COL14A1: variants seen among roughly 807,000 people sequenced by gnomAD.
COL14A1 encodes collagen type XIV alpha 1 chain.
Under a neutral mutation model 230.3 loss-of-function variants are expected in COL14A1, and 136 were observed. That is an observed-to-expected ratio of 0.59 (90% CI 0.51 to 0.68). The LOEUF (loss-of-function observed/expected upper bound fraction) is 0.68, where lower values mean the gene tolerates loss of function less well. Ranked by LOEUF, COL14A1 falls within the 30% of genes least tolerant of loss-of-function variation. The pLI, the probability that COL14A1 is intolerant of heterozygous loss-of-function variation, is 0.00. For missense variants in COL14A1, 1,976 were observed against 2,215.8 expected (o/e 0.89, Z 2.17); for synonymous variants, 792 against 784.1 (o/e 1.01, Z -0.17).
intron 45 of COL14A1, among the ~76,000 whole-genome samples, chr8:120,366,317 A>G (rs1021080784): frequency 6.6e-6 from 1 of 152,246 alleles, no homozygotes; most frequent in African/African-American, 2.4e-5. Context: ...TTGCCAATTC[A>G]ACATAATTTC....
At chr8:120,330,098 CA>C (rs1291664168) in intron 40 of COL14A1, among the ~76,000 whole-genome samples, 3 of 152,138 alleles carry the variant, frequency 2.0e-5, no homozygotes, top group Admixed American at 1.3e-4. Context: ...TGAAACTAGC[CA>C]CTTTTCATTG....
At chr8:120,335,197 C>T (rs1822011894) in intron 42 of COL14A1, among the ~76,000 whole-genome samples, 1 of 152,152 alleles carries the variant, frequency 6.6e-6, no homozygotes, top group African/African-American at 2.4e-5. Context: ...ACTATGATAG[C>T]ACCCTGCTCA....
intron 45 of COL14A1, among the ~76,000 whole-genome samples, chr8:120,354,857 G>T (rs1822921051): frequency 6.6e-6 from 1 of 152,142 alleles, no homozygotes; most frequent in South Asian, 2.1e-4. Flanking sequence ...ATATTAAGCA[G>T]CCCGATTTCT....
Position 120,280,012 on chromosome 8 carries a change from C to G in COL14A1, c.3559C>G (p.Arg1187Gly). Residue 1187 changes from arginine (R) to glycine (G), a missense_variant, in exon 29 of 48, where the codon CGC (arginine) becomes GGC (glycine). By Grantham distance (125) the Arg-to-Gly change is moderately radical. Transcript: ENST00000297848. ...LVSIGSKPSA[R>G]HVFFVDDFDA... ...TAGCATTGGCAGTAAGCCCAGCGCA[C>G]GCCATGTCTTCTTTGTGGATGACTT... The G allele has an allele frequency of 6.2e-7, 1 of 1,613,844 alleles. No individual in the cohort carries two copies. The highest frequency in any genetic ancestry group is 8.5e-7 in the Non-Finnish European group (1 of 1,179,846).
chr8:120,309,174 A>G (rs971081020), intron 36 of COL14A1, among the ~76,000 whole-genome samples: 3 of 152,106 alleles, frequency 2.0e-5, no homozygotes, highest in Admixed American at 6.6e-5. Context: ...TGACCTCGTG[A>G]TCCACCCGCC....
rs1479514648 is a variant in COL14A1 at position 120,231,563 on chromosome 8, T to G, written c.2294T>G (p.Phe765Cys). The change falls in exon 19 of 48, where the codon TTT becomes TGT. Residue 765 changes from phenylalanine (F) to cysteine (C), a missense_variant. Transcript: ENST00000297848. ...ATTTCTGACAGCGATGTGCAGCAGT[T>G]TAGGGTGACCTACATGACAGCTCAA... is the stretch of plus-strand genomic sequence containing the variant. ...WDISDSDVQQ[F>C]RVTYMTAQGD... is the part of the protein sequence containing the mutation. 4 of 1,613,924 alleles carry G rather than the reference T, an allele frequency of 2.5e-6. No individual in the cohort carries two copies. In the Admixed American group the frequency reaches 6.7e-5, roughly 27 times the overall value.
intron 42 of COL14A1, among the ~76,000 whole-genome samples, chr8:120,335,639 G>C (rs1274667849): frequency 6.6e-6 from 1 of 152,198 alleles, no homozygotes; most frequent in Non-Finnish European, 1.5e-5. Flanking sequence ...AGAGGGACAG[G>C]CTGCACCGCT....
rs781629443 is a variant in COL14A1 at position 120,199,503 on chromosome 8, C to G, written c.814C>G (p.Gln272Glu). 2.5e-6 allele frequency: 4 copies of G among 1,612,934 alleles called. No homozygotes were observed. The Admixed American group carries it at 6.7e-5, about 27-fold the overall frequency. The change falls in exon 8 of 48, where the codon CAA becomes GAA. Residue 272 changes from glutamine (Q) to glutamate (E), a missense_variant. Around this residue, in one of 3 missense-constraint regions of COL14A1, gnomAD observed 1,791 missense variants for 2,019.5 expected, o/e 0.89. Transcript: ENST00000297848. ...IGILITDGKS[Q>E]DDIIPPSRNL... ...CATTTTAATCACAGATGGAAAATCC[C>G]AAGATGACATTATTCCACCATCTAG...
intron 24 of COL14A1, among the ~76,000 whole-genome samples, chr8:120,264,569 A>G (rs1443163076): frequency 6.6e-6 from 1 of 152,186 alleles, no homozygotes; most frequent in Non-Finnish European, 1.5e-5. Flanking sequence ...CCCATATGTC[A>G]TCTAGCAAGT....
chr8:120,293,875 T>G (rs1586838445), intron 34 of COL14A1, among the ~76,000 whole-genome samples: 3 of 148,288 alleles, frequency 2.0e-5, no homozygotes, highest in Non-Finnish European at 4.6e-5. Flanking sequence ...AGCTATGAAT[T>G]TTATTTTCTA....
chr8:120,325,909 T>C (rs1821651039), intron 40 of COL14A1, among the ~76,000 whole-genome samples: 1 of 152,206 alleles, frequency 6.6e-6, no homozygotes, highest in Admixed American at 6.5e-5. Flanking sequence ...GCAAGTACTT[T>C]TTTAGCTGTT....
At position 120,307,346 on chromosome 8, in the gene COL14A1, C is replaced by A. The variant is rs373947670; in HGVS notation, c.4402-2663C>A. ...TATATGGCACTTGATAGTGGCATTG[C>A]AGATCAAGTAGAGAAATGATTGATA... is the stretch of plus-strand genomic sequence containing the variant. On this transcript the variant is annotated intron_variant, in intron 36 of 47. Transcript: ENST00000297848. 4.9e-4 allele frequency among the ~76,000 whole-genome samples: 74 copies of A among 152,228 alleles called. No individual in the cohort carries two copies. In the South Asian group the frequency reaches 0.015, roughly 31 times the overall value.
chr8:120,353,859 G>A lies in COL14A1; in HGVS notation c.5077+8296G>A, dbSNP rs1397221463. 2.4e-4 allele frequency among the ~76,000 whole-genome samples: 37 copies of A among 151,894 alleles called. 2 individuals carry two copies. Among genetic ancestry groups the A allele is most frequent in the African/African-American group, 8.7e-4 (36 of 41,214 alleles). On this transcript the variant is annotated intron_variant, in intron 45 of 47. Coordinates refer to ENST00000297848, the MANE Select transcript of COL14A1 (RefSeq NM_021110.4). Reference sequence around the variant, plus strand: ...GATTCCTCAGGAATCTAGAACTGGAGATACCATTTGACCCAGCCATCCCAT... The same window carrying A: ...GATTCCTCAGGAATCTAGAACTGGAAATACCATTTGACCCAGCCATCCCAT...
At chr8:120,217,990 C>T (rs1048121651) in intron 14 of COL14A1, among the ~76,000 whole-genome samples, 7 of 122,972 alleles carry the variant, frequency 5.7e-5, no homozygotes, top group Admixed American at 3.8e-4. Flanking sequence ...TATATATTTA[C>T]AAATATATAT....
intron 19 of COL14A1, among the ~76,000 whole-genome samples, chr8:120,241,432 T>C (rs944473690): frequency 6.6e-6 from 1 of 152,186 alleles, no homozygotes. Context: ...TGGTCCAGGT[T>C]GCTCTGAAAA....
intron 29 of COL14A1, 134 bp downstream of exon 29, chr8:120,280,233 A>C: frequency 1.9e-6 from 2 of 1,055,014 alleles, no homozygotes; most frequent in Non-Finnish European, 2.7e-6. Context: ...ATAGACATTA[A>C]GTTTTGTGGC....
Position 120,313,891 on chromosome 8 carries a change from C to T in COL14A1, c.4456-41C>T, listed in dbSNP as rs199669628. 1.5e-5 allele frequency: 19 copies of T among 1,283,188 alleles called. No homozygotes were observed. The East Asian group carries it at 4.3e-4, about 29-fold the overall frequency. The allele number at this position is 1,283,188 out of a possible 1,614,324, so 79.5% of individuals were successfully genotyped here. ...AAATATTTTCTAGATGTCAGAGAGT[C>T]TAACTTACTTTTAGGATGATACTTC... is the stretch of plus-strand genomic sequence containing the variant. On this transcript the variant is annotated intron_variant, in intron 37 of 47. Coordinates refer to ENST00000297848, the MANE Select transcript of COL14A1 (RefSeq NM_021110.4).
chr8:120,370,993 A>C (rs1033533600), intron 47 of COL14A1, 159 bp from the exon 48 acceptor site: 69 of 1,067,306 alleles, frequency 6.5e-5, no homozygotes, highest in Non-Finnish European at 8.5e-5. Flanking sequence ...AACTGTCTGA[A>C]ACCTTATGGG....
intron 34 of COL14A1, among the ~76,000 whole-genome samples, chr8:120,290,900 G>A (rs982177393): frequency 5.3e-5 from 8 of 152,212 alleles, no homozygotes; most frequent in Non-Finnish European, 1.0e-4. Context: ...GGTAGATGAT[G>A]CTAAGTAGTT....
Sources: gnomAD v4.1 joint callset for allele counts (sites outside exome capture counted in the v4.1 genomes callset) on GRCh38, gnomAD v4.1.1 for gene constraint, gnomAD v4.1.1 regional missense constraint, MANE v1.5 for transcripts, NCBI Gene and HGNC (gene_info 2026-07-23, HGNC 2026-07-21) for gene names.